The following PTPRM variants were observed in gnomAD, a reference collection of about 807,000 sequenced individuals.
The protein encoded by PTPRM is protein tyrosine phosphatase receptor type M, also known as receptor-type tyrosine-protein phosphatase mu.
PTPRM carries 47 observed loss-of-function variants against 186.7 expected under a neutral mutation model. That is an observed-to-expected ratio of 0.25 (90% CI 0.20 to 0.32). The LOEUF is 0.32. Ranked by LOEUF, PTPRM falls within the 10% of genes least tolerant of loss-of-function variation. The pLI is 1.00. For synonymous variants in PTPRM, 668 were observed against 674.9 expected (o/e 0.99, Z 0.16); for missense variants, 1,494 against 1,865.0 (o/e 0.80, Z 3.66).
intron 4 of PTPRM, among the ~76,000 whole-genome samples, chr18:7,917,514 C>T (rs189109770): frequency 7.2e-5 from 11 of 152,072 alleles, no homozygotes; most frequent in East Asian, 1.9e-4. Context: ...CCAGCCTGGG[C>T]GACAGAGTGA....
rs537658912 is a variant in PTPRM, at chr18:7,633,135, A to T, written c.73+65244A>T. Among the ~76,000 whole-genome samples, 6 of 152,328 alleles carry T rather than the reference A, an allele frequency of 3.9e-5. No individual in the cohort carries two copies. The South Asian group carries it at 1.2e-3, about 32-fold the overall frequency. On this transcript the variant is annotated intron_variant, in intron 1 of 32. Transcript: ENST00000580170. ...AGAGTGCCATGTGCAATGAGCCATGACCAGGCAGCAGTCTGTATCACCAAC... is the reference window on the plus strand; with the variant it reads ...AGAGTGCCATGTGCAATGAGCCATGTCCAGGCAGCAGTCTGTATCACCAAC...
intron 2 of PTPRM, among the ~76,000 whole-genome samples, chr18:7,843,425 T>C (rs369791149): frequency 1.3e-5 from 2 of 152,194 alleles, no homozygotes; most frequent in African/African-American, 2.4e-5. Context: ...ATTCTTTAAT[T>C]GCCCTTATAG....
chr18:7,862,816 T>C (rs2047462263), intron 2 of PTPRM, among the ~76,000 whole-genome samples: 1 of 152,180 alleles, frequency 6.6e-6, no homozygotes, highest in African/African-American at 2.4e-5. Flanking sequence ...AGAATTCTGA[T>C]ATCCCCATCA....
At chr18:7,663,965 C>G (rs901900924) in intron 1 of PTPRM, among the ~76,000 whole-genome samples, 4 of 152,200 alleles carry the variant, frequency 2.6e-5, no homozygotes, top group African/African-American at 9.6e-5. Context: ...TTTTCCCTTT[C>G]GCTTGGGCCC....
chr18:8,268,753 T>TAG (rs2094733286), intron 19 of PTPRM, among the ~76,000 whole-genome samples: 2 of 151,998 alleles, frequency 1.3e-5, no homozygotes, highest in Admixed American at 6.6e-5. Context: ...ATCCCTGGGG[T>TAG]GCAAGGATGG....
At chr18:8,171,002 C>A (rs2093392543) in intron 14 of PTPRM, among the ~76,000 whole-genome samples, 1 of 152,176 alleles carries the variant, frequency 6.6e-6, no homozygotes, top group African/African-American at 2.4e-5. Flanking sequence ...TCCGATGGGG[C>A]CTCTGTGTGA....
chr18:7,579,385 C>G (rs987932976), intron 1 of PTPRM, among the ~76,000 whole-genome samples: 1 of 152,168 alleles, frequency 6.6e-6, no homozygotes, highest in East Asian at 1.9e-4. Context: ...AGAGACCCTG[C>G]CTTTGTATTG....
intron 14 of PTPRM, among the ~76,000 whole-genome samples, chr18:8,181,236 T>A (rs755352369): frequency 2.0e-5 from 3 of 152,168 alleles, no homozygotes; most frequent in Non-Finnish European, 2.9e-5. Flanking sequence ...GAGGAAAAAG[T>A]GAGAATTGAG....
At chr18:8,096,113 C>T (rs2091004157) in intron 11 of PTPRM, among the ~76,000 whole-genome samples, 1 of 152,152 alleles carries the variant, frequency 6.6e-6, no homozygotes, top group Non-Finnish European at 1.5e-5. Context: ...ACCATGATGC[C>T]TACTCAGTGG....
chr18:8,056,592 A>T (rs1285074902), intron 7 of PTPRM, among the ~76,000 whole-genome samples: 1 of 152,052 alleles, frequency 6.6e-6, no homozygotes, highest in Non-Finnish European at 1.5e-5. Context: ...ACCACACTCC[A>T]GCCTGGGCGA....
At chr18:7,814,907 C>A (rs1330896269) in intron 2 of PTPRM, 1 of 152,150 alleles carries the variant, frequency 6.6e-6, no homozygotes, top group Admixed American at 6.5e-5. Flanking sequence ...CAGAAATTTA[C>A]CCTCCCAGTC....
chr18:8,397,107 G>C (rs1333693241), intron 32 of PTPRM, among the ~76,000 whole-genome samples: 2 of 152,236 alleles, frequency 1.3e-5, no homozygotes, highest in Non-Finnish European at 2.9e-5. Flanking sequence ...CGCGTCTTCA[G>C]AGGATGACGA....
At chr18:7,914,548 A>G (rs2050444614) in intron 4 of PTPRM, among the ~76,000 whole-genome samples, 1 of 152,142 alleles carries the variant, frequency 6.6e-6, no homozygotes, top group Non-Finnish European at 1.5e-5. Context: ...TAGGGATTAC[A>G]TTAGTTAATG....
intron 1 of PTPRM, among the ~76,000 whole-genome samples, chr18:7,693,171 T>C (rs2039771213): frequency 6.6e-6 from 1 of 152,162 alleles, no homozygotes; most frequent in Admixed American, 6.5e-5. Context: ...TATTTTATTC[T>C]TAAGTGAGGG....
chr18:8,334,773 C>A (rs925226533), intron 22 of PTPRM, among the ~76,000 whole-genome samples: 1 of 152,202 alleles, frequency 6.6e-6, no homozygotes, highest in Non-Finnish European at 1.5e-5. Flanking sequence ...CCCTTCTGCT[C>A]TGGACACTGG....
chr18:8,244,337 G>A (rs12962826), intron 15 of PTPRM, 128 bp downstream of exon 15: 388,079 of 921,374 alleles, frequency 0.42, 85,704 homozygotes, highest in Middle Eastern at 0.52. Flanking sequence ...GGTTTCTTCA[G>A]TCATTTTCAG....
intron 1 of PTPRM, among the ~76,000 whole-genome samples, chr18:7,616,361 T>C (rs1488858406): frequency 3.3e-5 from 5 of 152,130 alleles, no homozygotes; most frequent in Non-Finnish European, 5.9e-5. Flanking sequence ...GGTCTCACAG[T>C]GTTGCCCTTG....
intron 19 of PTPRM, among the ~76,000 whole-genome samples, chr18:8,289,471 C>CAT (rs2095000988): frequency 2.8e-5 from 2 of 72,268 alleles, no homozygotes; most frequent in African/African-American, 8.1e-5. Flanking sequence ...TATATATACA[C>CAT]ACATATGTAT....
chr18:7,871,849 G>A (rs2047999484), intron 2 of PTPRM, among the ~76,000 whole-genome samples: 1 of 152,178 alleles, frequency 6.6e-6, no homozygotes, highest in Admixed American at 6.5e-5. Flanking sequence ...CTTTGAATCA[G>A]TGGTGCTTAC....
Sources: gnomAD v4.1 joint callset for allele counts (sites outside exome capture counted in the v4.1 genomes callset) on GRCh38, gnomAD v4.1.1 for gene constraint, MANE v1.5 for transcripts, NCBI Gene and HGNC (gene_info 2026-07-23, HGNC 2026-07-21) for gene names.